ERC2: variants seen among roughly 807,000 people sequenced by gnomAD.
ERC2 encodes ELKS/RAB6-interacting/CAST family member 2, also known as ERC protein 2.
Under a neutral mutation model 114.8 loss-of-function variants are expected in ERC2, and 42 were observed. The observed-to-expected ratio is 0.37, with a 90% CI of 0.29 to 0.47. ERC2 has a LOEUF of 0.47. Among genes scored for constraint, ERC2 ranks in the 20% least tolerant of loss-of-function variants. The probability of loss-of-function intolerance (pLI) is 0.99; values close to 1 mark genes in which losing one functional copy is unlikely to be tolerated. For missense variants in ERC2, 939 were observed against 1,150.7 expected (o/e 0.82, Z 2.66); for synonymous variants, 454 against 425.5 (o/e 1.07, Z -0.82).
chr3:56,084,457 T>C (rs938288938), intron 6 of ERC2, among the ~76,000 whole-genome samples: 3 of 152,168 alleles, frequency 2.0e-5, no homozygotes, highest in South Asian at 2.1e-4. Context: ...AATCAACCTA[T>C]GTGCCTGTCA....
intron 12 of ERC2, among the ~76,000 whole-genome samples, chr3:55,967,830 G>A (rs139315668): frequency 6.6e-5 from 10 of 152,178 alleles, no homozygotes; most frequent in Admixed American, 2.0e-4. Flanking sequence ...CTCTCTCACC[G>A]TTTCTGTTGT....
At chr3:55,592,841 C>A (rs771656855) in intron 17 of ERC2, among the ~76,000 whole-genome samples, 28 of 152,194 alleles carry the variant, frequency 1.8e-4, no homozygotes, top group Non-Finnish European at 2.5e-4. Context: ...ACCTACCCAC[C>A]TTTGGTAGCT....
chr3:55,869,387 A>G (rs1468009806), intron 14 of ERC2, among the ~76,000 whole-genome samples: 3 of 152,202 alleles, frequency 2.0e-5, no homozygotes, highest in Admixed American at 6.5e-5. Context: ...TACAAATGAC[A>G]GCTTTCAGCA....
chr3:56,286,642 A>C (rs2054738245), intron 3 of ERC2, among the ~76,000 whole-genome samples: 1 of 152,274 alleles, frequency 6.6e-6, no homozygotes, highest in Admixed American at 6.5e-5. Flanking sequence ...TTAAAGAGGC[A>C]GATAGTAAAT....
intron 6 of ERC2, among the ~76,000 whole-genome samples, chr3:56,093,494 C>T (rs901696499): frequency 8.6e-5 from 13 of 151,974 alleles, no homozygotes; most frequent in Non-Finnish European, 2.9e-5. Flanking sequence ...CAGCAATCAG[C>T]GAGGAAACTG....
intron 15 of ERC2, among the ~76,000 whole-genome samples, chr3:55,728,089 G>A (rs568034796): frequency 2.0e-5 from 3 of 152,128 alleles, no homozygotes; most frequent in African/African-American, 7.2e-5. Flanking sequence ...TTCTTTTCTT[G>A]CCATCATGAT....
chr3:55,745,718 C>T (rs2066264169), intron 14 of ERC2, among the ~76,000 whole-genome samples: 1 of 152,156 alleles, frequency 6.6e-6, no homozygotes, highest in Admixed American at 6.5e-5. Context: ...CAGTATCTGC[C>T]TAAACTAAAC....
intron 17 of ERC2, among the ~76,000 whole-genome samples, chr3:55,637,439 T>C (rs2060003965): frequency 6.6e-6 from 1 of 152,248 alleles, no homozygotes; most frequent in Admixed American, 6.5e-5. Context: ...CAGGCCCATG[T>C]GCAGAGGGAG....
At chr3:55,706,009 CG>C (rs1273455647) in intron 15 of ERC2, among the ~76,000 whole-genome samples, 1 of 152,096 alleles carries the variant, frequency 6.6e-6, no homozygotes, top group Non-Finnish European at 1.5e-5. Context: ...GCATCTTCCT[CG>C]GCTTGAGGTC....
At chr3:56,129,348 G>A (rs1017690852) in intron 6 of ERC2, among the ~76,000 whole-genome samples, 2 of 152,100 alleles carry the variant, frequency 1.3e-5, no homozygotes, top group Non-Finnish European at 1.5e-5. Flanking sequence ...TGACAAACGT[G>A]GATCCAGTGT....
rs907257370 is a variant in ERC2 at position 55,510,396 on chromosome 3, G to A, written c.*920C>T. ...CATGGAGACCTGCATGCACCGGGATGGTAAGAGTCTGAGGCTTGGTGGCGT... is the reference window on the plus strand; with the variant it reads ...CATGGAGACCTGCATGCACCGGGATAGTAAGAGTCTGAGGCTTGGTGGCGT... On this transcript the variant is annotated 3_prime_UTR_variant, in exon 18 of 18. Transcript: ENST00000288221. 1.3e-5 allele frequency: 2 copies of A among 152,398 alleles called. No homozygotes were observed. The highest frequency in any genetic ancestry group is 2.9e-5 in the Non-Finnish European group (2 of 68,040). The allele number at this position is 152,398 out of a possible 1,614,324, so 9.4% of individuals were successfully genotyped here.
chr3:55,530,962 G>A (rs149131992), intron 17 of ERC2, among the ~76,000 whole-genome samples: 88 of 152,292 alleles, frequency 5.8e-4, no homozygotes, highest in Non-Finnish European at 1.1e-3. Flanking sequence ...ATCGCACAGG[G>A]CTCCAGAGCC....
chr3:56,250,282 T>G (rs1331664319), intron 3 of ERC2, among the ~76,000 whole-genome samples: 1 of 152,156 alleles, frequency 6.6e-6, no homozygotes, highest in Non-Finnish European at 1.5e-5. Flanking sequence ...ATGCTGTATA[T>G]TATGGAGGAA....
intron 2 of ERC2, among the ~76,000 whole-genome samples, chr3:56,299,138 TG>T (rs1171666837): frequency 0.037 from 3,404 of 91,966 alleles, 205 homozygotes; most frequent in African/African-American, 0.1. Flanking sequence ...TTTGTTTGTT[TG>T]TTTTTTGAGA....
intron 4 of ERC2, among the ~76,000 whole-genome samples, chr3:56,155,762 A>G (rs2081680122): frequency 6.6e-6 from 1 of 152,174 alleles, no homozygotes; most frequent in African/African-American, 2.4e-5. Flanking sequence ...TAGAAGTAAT[A>G]ATACATACAA....
intron 14 of ERC2, among the ~76,000 whole-genome samples, chr3:55,833,250 T>C (rs2060701406): frequency 6.7e-6 from 1 of 150,004 alleles, no homozygotes; most frequent in Non-Finnish European, 1.5e-5. Flanking sequence ...ATTCAGGAAA[T>C]ACAGAGAACA....
intron 3 of ERC2, among the ~76,000 whole-genome samples, chr3:56,210,649 G>A (rs918090016): frequency 1.4e-4 from 22 of 152,274 alleles, no homozygotes; most frequent in Middle Eastern, 3.4e-3. Context: ...TGGATAAACT[G>A]CTGGGCCTTT....
rs369514861 is a variant in ERC2 at position 55,867,313 on chromosome 3, C to A, written c.2564+21076G>T. ...TCCCACCCACCACACCCACCTCCCACACACAGTGCCTAGCACAGGGCCTGG... is the reference window on the plus strand; with the variant it reads ...TCCCACCCACCACACCCACCTCCCAAACACAGTGCCTAGCACAGGGCCTGG... On this transcript the variant is annotated intron_variant, in intron 14 of 17. Transcript: ENST00000288221. Among the ~76,000 whole-genome samples, 35 of 152,230 alleles carry A rather than the reference C, an allele frequency of 2.3e-4. No individual in the cohort carries two copies. The East Asian group carries it at 6.0e-3, about 26-fold the overall frequency.
chr3:55,728,344 G>C (rs1032386297), intron 15 of ERC2, among the ~76,000 whole-genome samples: 1 of 152,144 alleles, frequency 6.6e-6, no homozygotes, highest in Admixed American at 6.5e-5. Flanking sequence ...CTATAAAATG[G>C]ATAATACATG....
Sources: allele counts gnomAD v4.1 joint callset (sites outside exome capture counted in the v4.1 genomes callset), GRCh38; gene constraint gnomAD v4.1.1; transcripts MANE v1.5; gene names NCBI Gene and HGNC (gene_info 2026-07-23, HGNC 2026-07-21).